Variants in NR3C2 observed in about 807,000 individuals in gnomAD.
NR3C2 encodes the protein mineralocorticoid receptor.
A neutral mutation model predicts 86.4 loss-of-function variants in NR3C2; 15 were observed. That is an observed-to-expected ratio of 0.17 (90% CI 0.12 to 0.27). NR3C2 has a LOEUF of 0.27. Among genes scored for constraint, NR3C2 ranks in the 10% least tolerant of loss-of-function variants. The pLI, the probability that NR3C2 is intolerant of heterozygous loss-of-function variation, is 1.00. For missense variants in NR3C2, 960 were observed against 1,195.6 expected (o/e 0.80, Z 2.91); for synonymous variants, 458 against 450.5 (o/e 1.02, Z -0.21).
intron 2 of NR3C2, among the ~76,000 whole-genome samples, chr4:148,410,012 T>G (rs900431532): frequency 6.6e-6 from 1 of 152,146 alleles, no homozygotes; most frequent in Non-Finnish European, 1.5e-5. Context: ...ACTACATAAA[T>G]TCCAATAACT....
chr4:148,083,325 G>A (rs1730665271), intron 8 of NR3C2, among the ~76,000 whole-genome samples: 1 of 152,170 alleles, frequency 6.6e-6, no homozygotes, highest in Non-Finnish European at 1.5e-5. Flanking sequence ...TCTGGCGGGT[G>A]CCCCATTGGG....
At chr4:148,118,467 C>A (rs767775254) in intron 7 of NR3C2, among the ~76,000 whole-genome samples, 25 of 152,206 alleles carry the variant, frequency 1.6e-4, no homozygotes, top group Non-Finnish European at 3.2e-4. Flanking sequence ...CTTCTGCCAC[C>A]CTCCTGTAAC....
intron 3 of NR3C2, among the ~76,000 whole-genome samples, chr4:148,231,724 G>T (rs1461573170): frequency 6.6e-6 from 1 of 152,082 alleles, no homozygotes; most frequent in Non-Finnish European, 1.5e-5. Context: ...TTCATGAAAG[G>T]GTTCTCTGTA....
At chr4:148,226,221 A>C (rs1362552931) in intron 3 of NR3C2, among the ~76,000 whole-genome samples, 1 of 152,150 alleles carries the variant, frequency 6.6e-6, no homozygotes, top group Non-Finnish European at 1.5e-5. Flanking sequence ...CAATATAGTA[A>C]GTCTGGATAA....
chr4:148,260,703 A>C (rs1363550450), intron 2 of NR3C2, among the ~76,000 whole-genome samples: 4 of 152,108 alleles, frequency 2.6e-5, no homozygotes, highest in Admixed American at 2.6e-4. Context: ...TTTGCTTTCT[A>C]ATTTGAAGGG....
intron 2 of NR3C2, among the ~76,000 whole-genome samples, chr4:148,325,270 C>T (rs150696285): frequency 6.6e-6 from 1 of 152,286 alleles, no homozygotes; most frequent in African/African-American, 2.4e-5. Flanking sequence ...CATCTTTGGC[C>T]TTGTATCCTC....
intron 2 of NR3C2, among the ~76,000 whole-genome samples, chr4:148,366,228 G>A (rs975843495): frequency 2.0e-5 from 3 of 151,858 alleles, no homozygotes; most frequent in Non-Finnish European, 4.4e-5. Context: ...CACATACAAG[G>A]ATATTAACAA....
At chr4:148,419,508 T>C (rs1034876080) in intron 2 of NR3C2, among the ~76,000 whole-genome samples, 1 of 152,134 alleles carries the variant, frequency 6.6e-6, no homozygotes, top group African/African-American at 2.4e-5. Context: ...AAAGAAGACA[T>C]GATATAAAAT....
intron 6 of NR3C2, among the ~76,000 whole-genome samples, chr4:148,140,668 A>G (rs901138344): frequency 3.3e-5 from 5 of 152,254 alleles, no homozygotes; most frequent in Non-Finnish European, 7.3e-5. Context: ...TAGCCACACT[A>G]AGCCTTTTGA....
At chr4:148,292,201 T>G (rs150098687) in intron 2 of NR3C2, among the ~76,000 whole-genome samples, 4 of 152,042 alleles carry the variant, frequency 2.6e-5, no homozygotes, top group African/African-American at 9.7e-5. Context: ...TTGGTCTTTA[T>G]TATACTTGAC....
chr4:148,208,315 A>G (rs1737109662), intron 3 of NR3C2: 3 of 152,240 alleles, frequency 2.0e-5, no homozygotes, highest in African/African-American at 7.2e-5. Context: ...GCAGGACTGT[A>G]TTCAGCCCTG....
intron 2 of NR3C2, among the ~76,000 whole-genome samples, chr4:148,281,572 T>C (rs528216811): frequency 2.6e-5 from 4 of 152,368 alleles, no homozygotes; most frequent in East Asian, 3.9e-4. Context: ...TTTCCTAAGA[T>C]ATACCCTGTA....
Position 148,393,331 on chromosome 4 carries a change from G to A in NR3C2, c.1757+41773C>T, listed in dbSNP as rs61756936. Among the ~76,000 whole-genome samples the A allele has an allele frequency of 4.2e-3, 642 of 152,284 alleles. 4 individuals are homozygous for A. The highest frequency in any genetic ancestry group is 7.4e-3 in the Non-Finnish European group (505 of 68,020). On this transcript the variant is annotated intron_variant, in intron 2 of 8. Coordinates refer to ENST00000358102, the MANE Select transcript of NR3C2 (RefSeq NM_000901.5). ...GATGACAGGTGTACATTAGAAGCAC[G>A]TGCAAAGCTTTGTGAAAATGCTTAC...
upstream of NR3C2, chr4:148,444,920 C>G (rs998048090): frequency 3.0e-6 from 3 of 984,888 alleles, no homozygotes; most frequent in African/African-American, 5.2e-5. Context: ...TCCGCGCCCC[C>G]TCCCCGGGCC....
chr4:148,168,306 A>T (rs1384512911), intron 4 of NR3C2, among the ~76,000 whole-genome samples: 6 of 152,240 alleles, frequency 3.9e-5, no homozygotes, highest in Non-Finnish European at 5.9e-5. Flanking sequence ...AATGCCCATC[A>T]TCAATTCAAG....
Position 148,158,430 on chromosome 4 carries a change from T to C in NR3C2, c.2015-3529A>G, listed in dbSNP as rs149326173. Among the ~76,000 whole-genome samples the C allele has an allele frequency of 2.8e-4, 43 of 152,308 alleles. No homozygotes were observed. In the East Asian group the frequency reaches 7.1e-3, roughly 25 times the overall value. On this transcript the variant is annotated intron_variant, in intron 4 of 8. Coordinates refer to ENST00000358102, the MANE Select transcript of NR3C2 (RefSeq NM_000901.5). Reference sequence around the variant, plus strand: ...GGCATGACAATGTCTCCCTCTCTTATCTCTCAGAGAACTAAATGGGTATGA... The same window carrying C: ...GGCATGACAATGTCTCCCTCTCTTACCTCTCAGAGAACTAAATGGGTATGA...
chr4:148,440,045 T>G (rs1488242585), intron 1 of NR3C2, among the ~76,000 whole-genome samples: 3 of 152,252 alleles, frequency 2.0e-5, no homozygotes, highest in African/African-American at 7.2e-5. Flanking sequence ...CAAAAGGCTT[T>G]GCTGAAATCT....
chr4:148,130,879 A>G (rs1733011342), intron 6 of NR3C2, among the ~76,000 whole-genome samples: 1 of 138,518 alleles, frequency 7.2e-6, no homozygotes, highest in Non-Finnish European at 1.5e-5. Flanking sequence ...GCTGGAGTGC[A>G]GTGGCACGAT....
At chr4:148,442,627 G>A (rs990376249), upstream of NR3C2, 2 of 985,228 alleles carry the variant, frequency 2.0e-6, no homozygotes, top group Non-Finnish European at 2.4e-6. Context: ...CGGGTCAGGC[G>A]GGCTTCTTAT....
Sources: allele counts gnomAD v4.1 joint callset (sites outside exome capture counted in the v4.1 genomes callset), GRCh38; gene constraint gnomAD v4.1.1; transcripts MANE v1.5; gene names NCBI Gene and HGNC (gene_info 2026-07-23, HGNC 2026-07-21).